Variants in GTF2I observed in about 807,000 individuals in gnomAD.
The protein encoded by GTF2I is general transcription factor IIi.
Under a neutral mutation model 67.6 loss-of-function variants are expected in GTF2I, and 12 were observed. The ratio of observed to expected loss-of-function variants is 0.18; its 90% CI spans 0.11 to 0.29. GTF2I has a LOEUF of 0.29. Among genes scored for constraint, GTF2I ranks in the 10% least tolerant of loss-of-function variants. The probability of loss-of-function intolerance (pLI) is 1.00; values close to 1 mark genes in which losing one functional copy is unlikely to be tolerated. For synonymous variants in GTF2I, 149 were observed against 197.0 expected (o/e 0.76, Z 2.04); for missense variants, 271 against 580.1 (o/e 0.47, Z 5.47).
At chr7:74,682,903 G>A (rs587645525) in intron 1 of GTF2I, among the ~76,000 whole-genome samples, 10 of 152,160 alleles carry the variant, frequency 6.6e-5, no homozygotes, top group South Asian at 2.1e-4. Flanking sequence ...ATTAAAAACC[G>A]GATAGGTGTT....
chr7:74,658,689 C>T (rs1804173827), intron 1 of GTF2I, among the ~76,000 whole-genome samples: 1 of 151,016 alleles, frequency 6.6e-6, no homozygotes, highest in African/African-American at 2.4e-5. Context: ...CCCGCCCCGC[C>T]CCGCTCCCAG....
chr7:74,668,837 G>A (rs929994551), intron 1 of GTF2I, among the ~76,000 whole-genome samples: 1 of 152,068 alleles, frequency 6.6e-6, no homozygotes, highest in Non-Finnish European at 1.5e-5. Context: ...CTCCCAGAGT[G>A]CTGAAATTAC....
At position 74,718,894 on chromosome 7, in the gene GTF2I, T is replaced by C. The variant is rs951680847; in HGVS notation, c.896T>C (p.Val299Ala). ...EVPAEDSTQH[V>A]PSETSEDPEV... ...TTTTTTCAAGATTCTACTCAACATG[T>C]CCCTTCAGAAACAAGTGAGGACCCT... The change falls in exon 12 of 35, where the codon GTC becomes GCC. Residue 299 changes from valine to alanine, a missense_variant. Val to Ala is a moderately conservative substitution (Grantham distance 64, BLOSUM62 0). Coordinates refer to ENST00000573035, the MANE Select transcript of GTF2I (RefSeq NM_032999.4). 2 of 1,554,538 alleles carry C rather than the reference T, an allele frequency of 1.3e-6. No individual in the cohort carries two copies. The highest frequency in any genetic ancestry group is 1.4e-5 in the African/African-American group (1 of 73,086).
chr7:74,733,017 A>T (rs1247019257), intron 15 of GTF2I, among the ~76,000 whole-genome samples: 43 of 149,206 alleles, frequency 2.9e-4, no homozygotes, highest in African/African-American at 9.4e-4. Context: ...CCCAGGCTTG[A>T]GTGCAGTGTC....
At chr7:74,678,217 GC>G (rs1786865626) in intron 1 of GTF2I, among the ~76,000 whole-genome samples, 1 of 141,530 alleles carries the variant, frequency 7.1e-6, no homozygotes, top group African/African-American at 2.6e-5. Context: ...ACTGAGCCCG[GC>G]TTTTTTTTTT....
At chr7:74,717,117 T>C in intron 11 of GTF2I, 167 bp downstream of exon 11, 1 of 866,988 alleles carries the variant, frequency 1.2e-6, no homozygotes, top group Non-Finnish European at 1.7e-6. Context: ...TAAGATGTAA[T>C]ATACTTCTTT....
At chr7:74,658,158 C>CGGGGCCTGCAGGGACA (rs1322267525) in intron 1 of GTF2I, 90 bp downstream of exon 1, 3 of 151,322 alleles carry the variant, frequency 2.0e-5, no homozygotes, top group Non-Finnish European at 4.4e-5. Flanking sequence ...TTTGCCCCGC[C>CGGGGCCTGCAGGGACA]GGGGCCTGCA....
chr7:74,680,879 C>T (rs1274154001), intron 1 of GTF2I, among the ~76,000 whole-genome samples: 2 of 152,154 alleles, frequency 1.3e-5, no homozygotes, highest in Non-Finnish European at 2.9e-5. Context: ...TGGATCAGAA[C>T]AGCAAGGACA....
At chr7:74,664,063 A>G (rs1418225498) in intron 1 of GTF2I, among the ~76,000 whole-genome samples, 2 of 152,098 alleles carry the variant, frequency 1.3e-5, no homozygotes, top group African/African-American at 2.4e-5. Context: ...TCCTGACCTC[A>G]GGTGATCTGC....
intron 1 of GTF2I, among the ~76,000 whole-genome samples, chr7:74,681,357 C>T (rs1468047222): frequency 2.0e-5 from 3 of 151,982 alleles, no homozygotes; most frequent in Non-Finnish European, 2.9e-5. Context: ...ATTGCTTGAA[C>T]CTGGGAGGCA....
At chr7:74,721,152 C>T (rs1370614235) in intron 12 of GTF2I, among the ~76,000 whole-genome samples, 3 of 152,248 alleles carry the variant, frequency 2.0e-5, no homozygotes, top group African/African-American at 7.2e-5. Flanking sequence ...AGCGATTCTC[C>T]TGCCTCAGCC....
chr7:74,714,835 G>A (rs782545553), intron 9 of GTF2I, 22 bp from the exon 10 acceptor site: 1 of 1,563,580 alleles, frequency 6.4e-7, no homozygotes, highest in Non-Finnish European at 8.7e-7. Flanking sequence ...TACTTTTGAA[G>A]TATTATCTTT....
At chr7:74,664,895 C>G (rs587600258) in intron 1 of GTF2I, among the ~76,000 whole-genome samples, 1 of 152,070 alleles carries the variant, frequency 6.6e-6, no homozygotes, top group Non-Finnish European at 1.5e-5. Flanking sequence ...CGTTTCCTGC[C>G]TGTGCGACCT....
chr7:74,670,914 T>C (rs1159171359), intron 1 of GTF2I, among the ~76,000 whole-genome samples: 1 of 151,988 alleles, frequency 6.6e-6, no homozygotes, highest in African/African-American at 2.4e-5. Flanking sequence ...AAAAGTATAA[T>C]TAATACATAT....
chr7:74,703,703 A>T (rs922363304), intron 6 of GTF2I, among the ~76,000 whole-genome samples: 1 of 152,164 alleles, frequency 6.6e-6, no homozygotes, highest in Non-Finnish European at 1.5e-5. Context: ...TTGACTTCAT[A>T]TTCAAGAAAC....
At chr7:74,706,464 G>A in intron 8 of GTF2I, 31 bp downstream of exon 8, 2 of 1,502,302 alleles carry the variant, frequency 1.3e-6, no homozygotes, top group Non-Finnish European at 1.9e-6. Context: ...AATCAATGGT[G>A]AAATTAAGGA....
At chr7:74,690,721 C>T (rs935371630) in intron 2 of GTF2I, among the ~76,000 whole-genome samples, 37 of 152,168 alleles carry the variant, frequency 2.4e-4, no homozygotes, top group African/African-American at 8.2e-4. Flanking sequence ...CTGTAATTGA[C>T]AGTGCCCCCC....
chr7:74,714,965 T>C, intron 10 of GTF2I, 49 bp downstream of exon 10: 1 of 1,091,574 alleles, frequency 9.2e-7, no homozygotes, highest in Non-Finnish European at 1.4e-6. Flanking sequence ...GTGTTTAATG[T>C]TTCCTTATAT....
intron 12 of GTF2I, among the ~76,000 whole-genome samples, chr7:74,722,542 AC>A (rs1793162563): frequency 6.6e-6 from 1 of 152,086 alleles, no homozygotes; most frequent in South Asian, 2.1e-4. Context: ...TGAGTCACTT[AC>A]CTGTTACCTG....
Sources: allele counts gnomAD v4.1 joint callset (sites outside exome capture counted in the v4.1 genomes callset), GRCh38; gene constraint gnomAD v4.1.1; transcripts MANE v1.5; gene names NCBI Gene and HGNC (gene_info 2026-07-23, HGNC 2026-07-21).